MRRF: variants seen among roughly 807,000 people sequenced by gnomAD.
MRRF encodes the protein mitochondrial ribosome recycling factor, also known as ribosome-recycling factor, mitochondrial.
A neutral mutation model predicts 25.1 loss-of-function variants in MRRF; 18 were observed. The ratio of observed to expected loss-of-function variants is 0.72; its 90% CI spans 0.50 to 1.06. The LOEUF is 1.06. MRRF is among the 50% of genes least tolerant of loss of function. The pLI, the probability that MRRF is intolerant of heterozygous loss-of-function variation, is 0.00. For missense variants in MRRF, 323 were observed against 319.3 expected, an observed-to-expected ratio of 1.01 and a Z score of -0.09; for synonymous variants, 113 against 112.1, an observed-to-expected ratio of 1.01 and a Z score of -0.05.
chr9:122,319,950 C>G (rs1354672694), intron 6 of MRRF, among the ~76,000 whole-genome samples: 1 of 149,512 alleles, frequency 6.7e-6, no homozygotes, highest in African/African-American at 2.5e-5. Context: ...TGTCGGCTCA[C>G]TGCATCCTCC....
chr9:122,265,728 T>G, intron 1 of MRRF: 1 of 1,287,764 alleles, frequency 7.8e-7, no homozygotes, highest in Non-Finnish European at 1.0e-6. Context: ...CGCAAATGCT[T>G]TTTGAATACG....
intron 6 of MRRF, among the ~76,000 whole-genome samples, chr9:122,314,577 A>G (rs1274998234): frequency 1.3e-5 from 2 of 152,248 alleles, no homozygotes; most frequent in African/African-American, 2.4e-5. Context: ...GATTGAGTCA[A>G]TGAATCTGGG....
chr9:122,320,806 G>T (rs930498552), intron 6 of MRRF, among the ~76,000 whole-genome samples: 2 of 152,206 alleles, frequency 1.3e-5, no homozygotes, highest in Non-Finnish European at 2.9e-5. Context: ...CCTGTGGTCT[G>T]CAAATAAAGA....
intron 5 of MRRF, among the ~76,000 whole-genome samples, chr9:122,293,471 C>T (rs1253206988): frequency 2.6e-5 from 4 of 152,276 alleles, no homozygotes; most frequent in South Asian, 2.1e-4. Context: ...AATCCCAACA[C>T]GGGAGTCCAG....
chr9:122,304,346 C>G (rs1333455262), intron 5 of MRRF, among the ~76,000 whole-genome samples: 1 of 152,224 alleles, frequency 6.6e-6, no homozygotes, highest in Non-Finnish European at 1.5e-5. Flanking sequence ...CACCTGTCTT[C>G]TGCTCAGTGT....
intron 5 of MRRF, among the ~76,000 whole-genome samples, chr9:122,303,245 C>A (rs961020456): frequency 6.6e-6 from 1 of 151,008 alleles, no homozygotes; most frequent in Non-Finnish European, 1.5e-5. Flanking sequence ...GTATATCCTT[C>A]CAGATTTCAA....
chr9:122,265,847 T>C, intron 1 of MRRF: 1 of 925,726 alleles, frequency 1.1e-6, no homozygotes. Flanking sequence ...TGTTAAAGTG[T>C]CTCATTCCTT....
intron 4 of MRRF, chr9:122,286,085 A>G (rs1833388565): frequency 2.4e-6 from 3 of 1,276,276 alleles, no homozygotes; most frequent in African/African-American, 3.1e-5. Flanking sequence ...ATCCGGTCCC[A>G]TCTCTACCAC....
intron 5 of MRRF, among the ~76,000 whole-genome samples, chr9:122,293,651 T>C (rs1026272436): frequency 6.6e-6 from 1 of 152,194 alleles, no homozygotes; most frequent in Non-Finnish European, 1.5e-5. Flanking sequence ...GGTTCAAGTC[T>C]TTCTGCTTGA....
At chr9:122,297,279 A>G (rs1248621070) in intron 5 of MRRF, among the ~76,000 whole-genome samples, 3 of 152,206 alleles carry the variant, frequency 2.0e-5, no homozygotes, top group Non-Finnish European at 4.4e-5. Context: ...ATTGCACCCC[A>G]ACCTGGGCGA....
chr9:122,273,440 CAAAA>C (rs566027952), intron 2 of MRRF, among the ~76,000 whole-genome samples: 7 of 70,156 alleles, frequency 1.0e-4, no homozygotes, highest in African/African-American at 1.5e-4. Context: ...GACCCTGTCT[CAAAA>C]AAAAAAAAAA....
chr9:122,328,600 T>C lies in MRRF; in HGVS notation c.*5983T>C, dbSNP rs747370569. 1.3e-5 allele frequency: 2 copies of C among 152,232 alleles called. No individual in the cohort carries two copies. The highest frequency in any genetic ancestry group is 2.9e-5 in the Non-Finnish European group (2 of 68,044). The allele number at this position is 152,232 out of a possible 1,614,324, so 9.4% of individuals were successfully genotyped here. The stretch of plus-strand genomic sequence containing the variant: ...AATCTGTTGTATATATGAATAAGTA[T>C]ATATAAAGCTCCTTTTAACAGACAC... On this transcript the variant is annotated 3_prime_UTR_variant, in exon 7 of 7. Coordinates refer to ENST00000344641, the MANE Select transcript of MRRF (RefSeq NM_138777.5).
chr9:122,298,966 C>T (rs984467275), intron 5 of MRRF, among the ~76,000 whole-genome samples: 2 of 152,036 alleles, frequency 1.3e-5, no homozygotes, highest in African/African-American at 4.8e-5. Context: ...CAAGAACAAA[C>T]CATGCCTATA....
intron 2 of MRRF, among the ~76,000 whole-genome samples, chr9:122,275,934 GTC>G (rs1364743698): frequency 6.6e-6 from 1 of 151,854 alleles, no homozygotes; most frequent in East Asian, 1.9e-4. Context: ...TTGAGATGGA[GTC>G]TCCCTCTGTC....
At position 122,326,854 on chromosome 9, in the gene MRRF, A is replaced by C. The variant is rs1836157573; in HGVS notation, c.*4237A>C. Reference sequence around the variant, plus strand: ...ATTATCTGTGTTTTTCTGTGAAAAAAACAGGTTCAGAAAGGATATTTAACT... The same window carrying C: ...ATTATCTGTGTTTTTCTGTGAAAAACACAGGTTCAGAAAGGATATTTAACT... On this transcript the variant is annotated 3_prime_UTR_variant, in exon 7 of 7. Transcript: ENST00000344641. The C allele has an allele frequency of 6.6e-6, 1 of 152,152 alleles. No homozygotes were observed. The highest frequency in any genetic ancestry group is 2.4e-5 in the African/African-American group (1 of 41,432). The allele number at this position is 152,152 out of a possible 1,614,324, so 9.4% of individuals were successfully genotyped here.
rs189295048 is a variant in MRRF at position 122,280,130 on chromosome 9, A to G, written c.185-313A>G. Among the ~76,000 whole-genome samples the G allele has an allele frequency of 3.3e-5, 5 of 152,314 alleles. No individual in the cohort carries two copies. In the East Asian group the frequency reaches 9.6e-4, roughly 29 times the overall value. ...GCAACCTTGCAATATAGATGTTACT[A>G]TTCTTTTACAGGTAGGGAACTTGAT... On this transcript the variant is annotated intron_variant, in intron 2 of 6. Coordinates refer to ENST00000344641, the MANE Select transcript of MRRF (RefSeq NM_138777.5).
chr9:122,286,419 A>G (rs1025561611), intron 4 of MRRF, among the ~76,000 whole-genome samples: 5 of 152,090 alleles, frequency 3.3e-5, no homozygotes, highest in Non-Finnish European at 7.4e-5. Flanking sequence ...AAAAATATAT[A>G]TTGTGCCAGG....
chr9:122,321,592 C>A (rs1012949229), intron 6 of MRRF, among the ~76,000 whole-genome samples: 9 of 152,148 alleles, frequency 5.9e-5, no homozygotes, highest in Admixed American at 5.2e-4. Context: ...ACGAGCTTAT[C>A]CATTTCATCA....
intron 1 of MRRF, among the ~76,000 whole-genome samples, chr9:122,266,433 C>A (rs1178339119): frequency 6.6e-6 from 1 of 152,126 alleles, no homozygotes; most frequent in Non-Finnish European, 1.5e-5. Context: ...GAGGGAAGAT[C>A]ATCAAGGAGA....
Sources: allele counts gnomAD v4.1 joint callset (sites outside exome capture counted in the v4.1 genomes callset), GRCh38; gene constraint gnomAD v4.1.1; transcripts MANE v1.5; gene names NCBI Gene and HGNC (gene_info 2026-07-23, HGNC 2026-07-21).